PTPRN2: variants seen among roughly 807,000 people sequenced by gnomAD.
PTPRN2 encodes the protein receptor-type tyrosine-protein phosphatase N2.
PTPRN2 carries 74 observed loss-of-function variants against 118.8 expected under a neutral mutation model. The ratio of observed to expected loss-of-function variants is 0.62; its 90% CI spans 0.52 to 0.76. The LOEUF is 0.76. Ranked by LOEUF, PTPRN2 falls within the 30% of genes least tolerant of loss-of-function variation. The pLI, the probability that PTPRN2 is intolerant of heterozygous loss-of-function variation, is 0.00. For synonymous variants in PTPRN2, 641 were observed against 608.0 expected (o/e 1.05, Z -0.80); for missense variants, 1,481 against 1,394.4 (o/e 1.06, Z -0.99).
At chr7:157,820,565 C>T (rs1806769800) in intron 12 of PTPRN2, among the ~76,000 whole-genome samples, 1 of 151,456 alleles carries the variant, frequency 6.6e-6, no homozygotes, top group East Asian at 2.0e-4. Context: ...CGCACACACA[C>T]TCATACATGC....
chr7:158,435,437 A>G (rs1417304444), intron 2 of PTPRN2, among the ~76,000 whole-genome samples: 1 of 148,828 alleles, frequency 6.7e-6, no homozygotes, highest in Non-Finnish European at 1.5e-5. Flanking sequence ...CTATTATCAG[A>G]AAAAAAAAAG....
chr7:158,512,336 C>T (rs1165260650), intron 1 of PTPRN2, among the ~76,000 whole-genome samples: 1 of 152,182 alleles, frequency 6.6e-6, no homozygotes, highest in Non-Finnish European at 1.5e-5. Context: ...TAACAGCTGG[C>T]AGGTGGCAGG....
intron 1 of PTPRN2, among the ~76,000 whole-genome samples, chr7:158,567,051 G>A (rs189082314): frequency 5.4e-4 from 83 of 152,314 alleles, no homozygotes; most frequent in African/African-American, 1.9e-3. Flanking sequence ...ATAAATAAAA[G>A]TCTCCAAAGG....
At chr7:157,736,419 A>T (rs1462340272) in intron 12 of PTPRN2, among the ~76,000 whole-genome samples, 1 of 152,198 alleles carries the variant, frequency 6.6e-6, no homozygotes. Context: ...CCGATCCTAC[A>T]GGACTGGTGT....
rs1805307924 is a variant in PTPRN2 at position 157,801,578 on chromosome 7, C to T, written c.1788+97095G>A. 6.6e-6 allele frequency among the ~76,000 whole-genome samples: 1 copy of T among 152,064 alleles called. No individual in the cohort carries two copies. Among genetic ancestry groups the T allele is most frequent in the African/African-American group, 2.4e-5 (1 of 41,382 alleles). ...AGAGTATAGGTAAAAACATCTTAGC[C>T]TGCATGAAAACAAACATCATCTTAG... On this transcript the variant is annotated intron_variant, in intron 12 of 22. Transcript: ENST00000389418. This position sits in a 1 kb window ranked among gnomAD's most constrained non-coding sequence, Gnocchi z 4.2.
chr7:158,114,266 C>G (rs1816544867), intron 9 of PTPRN2, among the ~76,000 whole-genome samples: 1 of 152,158 alleles, frequency 6.6e-6, no homozygotes, highest in African/African-American at 2.4e-5. Context: ...GCAGATGCCC[C>G]AGCCACCCTC....
In PTPRN2 at chr7:157,615,616, C is replaced by G. The variant is rs769402200; in HGVS notation, c.2344+5746G>C. The G allele has an allele frequency of 2.1e-6, 1 of 471,188 alleles. No homozygotes were observed. Among genetic ancestry groups the G allele is most frequent in the Non-Finnish European group, 4.4e-6 (1 of 227,044 alleles). 29.2% of individuals were successfully genotyped at this position (471,188 alleles called of 1,614,324 possible). A position where few individuals can be genotyped will look rare whatever the true frequency, so the allele number is the denominator to read the frequency against. ...GATCCGCGTCACGGGGGAGGATTGG[C>G]TCAGCACTGGTCCTGCGGAATGTGT... On this transcript the variant is annotated intron_variant, in intron 15 of 22. Transcript: ENST00000389418. The surrounding 1 kb of genome is among the most constrained non-coding windows in gnomAD (Gnocchi z 4.3).
At chr7:158,330,809 AGCTG>A (rs1285804262) in intron 2 of PTPRN2, among the ~76,000 whole-genome samples, 12 of 108,900 alleles carry the variant, frequency 1.1e-4, no homozygotes, top group Non-Finnish European at 1.6e-4. Context: ...TCACCATAAG[AGCTG>A]ACACCCGCAG....
intron 2 of PTPRN2, among the ~76,000 whole-genome samples, chr7:158,328,854 C>T (rs1244666391): frequency 6.7e-6 from 1 of 150,156 alleles, no homozygotes; most frequent in Non-Finnish European, 1.5e-5. Context: ...CAGGAGATCC[C>T]AGCTTCCCTG....
At chr7:157,713,210 C>T (rs1403189042) in intron 12 of PTPRN2, among the ~76,000 whole-genome samples, 1 of 57,344 alleles carries the variant, frequency 1.7e-5, no homozygotes, top group Non-Finnish European at 3.0e-5. Context: ...ACCCTCATCT[C>T]CATCCACCCC....
At chr7:158,341,329 T>A (rs538151600) in intron 2 of PTPRN2, among the ~76,000 whole-genome samples, 56 of 143,270 alleles carry the variant, frequency 3.9e-4, no homozygotes, top group South Asian at 1.6e-3. Context: ...CACACGTCAC[T>A]CACACCCACA....
At chr7:158,164,280 C>T (rs111708435) in intron 6 of PTPRN2, among the ~76,000 whole-genome samples, 2 of 150,204 alleles carry the variant, frequency 1.3e-5, no homozygotes, top group Non-Finnish European at 3.0e-5. Context: ...AGAGCAAGAG[C>T]GCGTGCGTAG....
intron 12 of PTPRN2, among the ~76,000 whole-genome samples, chr7:157,839,881 T>C (rs1563159771): frequency 6.8e-6 from 1 of 146,534 alleles, no homozygotes. Flanking sequence ...GTGGAGTGTG[T>C]GTGACTGTGT....
intron 11 of PTPRN2, among the ~76,000 whole-genome samples, chr7:157,982,142 CCA>C (rs1803249184): frequency 7.5e-6 from 1 of 133,438 alleles, no homozygotes; most frequent in African/African-American, 2.7e-5. Flanking sequence ...GCAGCGTCCC[CCA>C]TAAACCCCGA....
intron 10 of PTPRN2, among the ~76,000 whole-genome samples, chr7:158,100,291 TTATC>T (rs1043559951): frequency 1.9e-4 from 29 of 151,292 alleles, no homozygotes; most frequent in Non-Finnish European, 3.2e-4. Flanking sequence ...CACGATTTCT[TTATC>T]TACTCATTGA....
intron 6 of PTPRN2, among the ~76,000 whole-genome samples, chr7:158,145,628 G>A (rs182083536): frequency 2.7e-4 from 41 of 152,342 alleles, no homozygotes; most frequent in African/African-American, 7.9e-4. Context: ...CAGGCTTGGC[G>A]TGGAGCTGCC....
At chr7:157,721,118 C>T (rs1340644219) in intron 12 of PTPRN2, among the ~76,000 whole-genome samples, 1 of 152,162 alleles carries the variant, frequency 6.6e-6, no homozygotes, top group Non-Finnish European at 1.5e-5. Flanking sequence ...AAACAGAAGA[C>T]TTCGGGGCAA....
rs1290526165 is a variant in PTPRN2, at chr7:157,605,720, G to A, written c.2345-1645C>T. On this transcript the variant is annotated intron_variant, in intron 15 of 22. Transcript: ENST00000389418. ...CTAGCAAAGGGGAGGCTCTGGAGTGGGTAGCTCCTCTCTGCAGCTGGTCAT... is the reference window on the plus strand; with the variant it reads ...CTAGCAAAGGGGAGGCTCTGGAGTGAGTAGCTCCTCTCTGCAGCTGGTCAT... Among the ~76,000 whole-genome samples the A allele has an allele frequency of 2.0e-5, 3 of 152,222 alleles. 1 individual carries two copies. Among genetic ancestry groups the A allele is most frequent in the Admixed American group, 2.0e-4 (3 of 15,282 alleles).
chr7:158,493,915 G>GCA (rs1821635407), intron 1 of PTPRN2, among the ~76,000 whole-genome samples: 1 of 151,752 alleles, frequency 6.6e-6, no homozygotes, highest in African/African-American at 2.4e-5. Flanking sequence ...GTGCACGTAT[G>GCA]CACACGTACA....
Sources: allele counts gnomAD v4.1 joint callset (sites outside exome capture counted in the v4.1 genomes callset), GRCh38; gene constraint gnomAD v4.1.1; non-coding constraint Gnocchi (gnomAD v3.1); transcripts MANE v1.5; gene names NCBI Gene and HGNC (gene_info 2026-07-23, HGNC 2026-07-21).